Variants in WBP2 observed in about 807,000 individuals in gnomAD.
The protein encoded by WBP2 is WW domain binding protein 2.
A neutral mutation model predicts 33.0 loss-of-function variants in WBP2; 23 were observed. The observed-to-expected ratio is 0.70, with a 90% CI of 0.50 to 0.99. WBP2 has a LOEUF of 0.99. WBP2 is among the 50% of genes least tolerant of loss of function. The pLI is 0.00. For synonymous variants in WBP2, 153 were observed against 133.5 expected (o/e 1.15, Z -1.01); for missense variants, 353 against 358.0 (o/e 0.99, Z 0.11).
chr17:75,856,027 C>G (rs1414804692), upstream of WBP2, among the ~76,000 whole-genome samples: 5 of 152,216 alleles, frequency 3.3e-5, no homozygotes, highest in Non-Finnish European at 7.3e-5. Flanking sequence ...GCCGGCCGGG[C>G]GCCCCTCGCA....
intron 1 of WBP2, 55 bp downstream of exon 1, chr17:75,855,184 C>T: frequency 6.6e-7 from 1 of 1,514,168 alleles, no homozygotes; most frequent in Non-Finnish European, 9.1e-7. Context: ...ACCCACCGCC[C>T]ACTTCCTCGA....
chr17:75,853,407 GACAGCAGGCTGAAGCACTTTCTAAA>G (rs1567828210), intron 1 of WBP2, among the ~76,000 whole-genome samples: 2 of 152,308 alleles, frequency 1.3e-5, no homozygotes, highest in African/African-American at 2.4e-5. Context: ...AACTTTTTCA[GACAGCAGGCTGAAGCACTTTCTAAA>G]ACAGCAGGCT....
chr17:75,849,532 C>G, intron 3 of WBP2, 72 bp downstream of exon 3: 2 of 1,578,710 alleles, frequency 1.3e-6, no homozygotes, highest in Non-Finnish European at 1.7e-6. Context: ...GACGCCCCCA[C>G]GGCGGCAGTC....
At chr17:75,847,092 G>A in intron 6 of WBP2, 108 bp from the exon 7 acceptor site, 1 of 1,243,048 alleles carries the variant, frequency 8.0e-7, no homozygotes. Flanking sequence ...TGGGGGTCCA[G>A]TTCCACCAAT....
At position 75,855,268 on chromosome 17, in the gene WBP2, G is replaced by A. The variant is rs773500854; in HGVS notation, c.30C>T (p.Gly10=). The A allele has an allele frequency of 1.3e-6, 2 of 1,598,910 alleles. No individual in the cohort carries two copies. The highest frequency in any genetic ancestry group is 1.7e-5 in the Admixed American group (1 of 58,988). ...CGGTGTTATTGACGATCACTCCGCC[G>A]CCCTCCGAGTGATTCTTGTTGAGCG... MALNKNHSE[G]GGVIVNNTES... Residue 10 remains glycine (G), a synonymous_variant, in exon 1 of 8, where the codon GGC becomes GGT. Coordinates refer to ENST00000254806, the MANE Select transcript of WBP2 (RefSeq NM_012478.4).
chr17:75,849,939 G>A (rs1006609083), intron 2 of WBP2, among the ~76,000 whole-genome samples, 200 bp from the exon 3 acceptor site: 45 of 152,236 alleles, frequency 3.0e-4, no homozygotes, highest in Admixed American at 2.6e-3. Context: ...CCAAGCTCAC[G>A]CACACGGGAG....
At chr17:75,848,837 G>C (rs1262050184) in intron 3 of WBP2, 175 bp from the exon 4 acceptor site, 1 of 633,278 alleles carries the variant, frequency 1.6e-6, no homozygotes, top group East Asian at 2.7e-5. Context: ...GCCTGCATAG[G>C]AGCCAGCACT....
At chr17:75,848,931 C>G in intron 3 of WBP2, 1 of 521,542 alleles carries the variant, frequency 1.9e-6, no homozygotes, top group Non-Finnish European at 3.5e-6. Flanking sequence ...TCCTCCCACC[C>G]TTGGCCCAAT....
At chr17:75,852,977 G>A (rs932174733) in intron 1 of WBP2, among the ~76,000 whole-genome samples, 3 of 152,168 alleles carry the variant, frequency 2.0e-5, no homozygotes, top group Non-Finnish European at 4.4e-5. Flanking sequence ...TCTGGGAGGA[G>A]AGTCCACAGC....
intron 1 of WBP2, among the ~76,000 whole-genome samples, chr17:75,853,629 AGT>A (rs2065040335): frequency 6.6e-6 from 1 of 152,158 alleles, no homozygotes; most frequent in Non-Finnish European, 1.5e-5. Flanking sequence ...GCAACAAAAC[AGT>A]GTGAGGTGTC....
Position 75,847,590 on chromosome 17 carries a change from G to C in WBP2, c.552C>G (p.Pro184=). The C allele has an allele frequency of 1.9e-6, 3 of 1,612,300 alleles. No individual in the cohort carries two copies. Among genetic ancestry groups the C allele is most frequent in the Non-Finnish European group, 2.5e-6 (3 of 1,179,208 alleles). ...CGTATCCCATGGCCCCGTCCATCAT[G>C]GGGGGTCCTGGATAGAACTCTGCTC... ...PPPPEFYPGP[P]MMDGAMGYVQ... is the part of the protein sequence containing the mutation. The change falls in exon 6 of 8, where the codon CCC becomes CCG. Residue 184 remains proline (P), a synonymous_variant. Coordinates refer to ENST00000254806, the MANE Select transcript of WBP2 (RefSeq NM_012478.4).
chr17:75,848,039 C>A (rs2065005957), intron 4 of WBP2, 109 bp from the exon 5 acceptor site: 2 of 1,402,686 alleles, frequency 1.4e-6, no homozygotes, highest in African/African-American at 1.4e-5. Context: ...ATGTGCCCCG[C>A]AGACATCCTC....
Position 75,846,818 on chromosome 17 carries a change from TAGA to T in WBP2, c.733-34_733-32del, listed in dbSNP as rs755672730. ...GAAGGGAGAAAGGAGAGACTTGCAT[TAGA>T]AGGTTTAAAACATGGTGCGGTCATC... is the stretch of plus-strand genomic sequence containing the variant. On this transcript the variant is annotated intron_variant, in intron 7 of 7. Transcript: ENST00000254806. This position sits in a 1 kb window ranked among gnomAD's most constrained non-coding sequence, Gnocchi z 4.8. 8 of 1,595,950 alleles carry T rather than the reference TAGA, an allele frequency of 5.0e-6. No individual in the cohort carries two copies. Among genetic ancestry groups the T allele is most frequent in the Non-Finnish European group, 6.8e-6 (8 of 1,169,978 alleles).
chr17:75,852,710 C>T lies in WBP2; in HGVS notation c.60-1034G>A, dbSNP rs531666300. 1.1e-5 allele frequency: 9 copies of T among 782,870 alleles called. No homozygotes were observed. In the African/African-American group the frequency reaches 1.5e-4, roughly 13 times the overall value. The allele number at this position is 782,870 out of a possible 1,614,324, so 48.5% of individuals were successfully genotyped here. A position where few individuals can be genotyped will look rare whatever the true frequency, so the allele number is the denominator to read the frequency against. On this transcript the variant is annotated intron_variant, in intron 1 of 7. Coordinates refer to ENST00000254806, the MANE Select transcript of WBP2 (RefSeq NM_012478.4). ...GACTTCGTGATCCACCTGCCTCGGC[C>T]TCCCAAAGTGCAGGGATTACAGGCG... is the stretch of plus-strand genomic sequence containing the variant.
intron 4 of WBP2, chr17:75,848,279 T>C (rs952534636): frequency 2.4e-5 from 14 of 582,592 alleles, no homozygotes; most frequent in Non-Finnish European, 3.7e-5. Flanking sequence ...CGCAGTCGAA[T>C]GGTTGGTTTA....
chr17:75,848,555 T>C lies in WBP2; in HGVS notation c.397+15A>G, dbSNP rs1429192986. 14 of 1,612,336 alleles carry C rather than the reference T, an allele frequency of 8.7e-6. No homozygotes were observed. The South Asian group carries it at 1.4e-4, about 16-fold the overall frequency. On this transcript the variant is annotated intron_variant, in intron 4 of 7. Transcript: ENST00000254806. ...TTAGTGTGTCTTTAGCCCCTAATCT[T>C]CGGAGCCTGGATACCTTGAGATGCC...
In WBP2 at chr17:75,846,240, C is replaced by A; in HGVS notation, c.*494G>T. 6.1e-6 allele frequency: 1 copy of A among 163,580 alleles called. No individual in the cohort carries two copies. The highest frequency in any genetic ancestry group is 6.0e-5 in the Admixed American group (1 of 16,576). The allele number at this position is 163,580 out of a possible 1,614,324, so 10.1% of individuals were successfully genotyped here. On this transcript the variant is annotated 3_prime_UTR_variant, in exon 8 of 8. Transcript: ENST00000254806. The surrounding 1 kb of genome is among the most constrained non-coding windows in gnomAD (Gnocchi z 4.8). ...AGGGTGGCGGGGGCTGCAGCTGGACCCTGGCTGAGTGGAATGCGGGCGCGG... is the reference window on the plus strand; with the variant it reads ...AGGGTGGCGGGGGCTGCAGCTGGACACTGGCTGAGTGGAATGCGGGCGCGG...
Position 75,849,673 on chromosome 17 carries a change from C to T in WBP2, c.235G>A (p.Asp79Asn). 1 of 1,614,218 alleles carries T rather than the reference C, an allele frequency of 6.2e-7. No individual in the cohort carries two copies. Among genetic ancestry groups the T allele is most frequent in the Non-Finnish European group, 8.5e-7 (1 of 1,180,036 alleles). The change falls in exon 3 of 8, where the codon GAC (aspartate) becomes AAC (asparagine). Residue 79 changes from aspartate (D) to asparagine (N), a missense_variant. Transcript: ENST00000254806. Reference protein sequence around the residue: ...SFMMPFYLMKDCEIKQPVFGA... With the variant: ...SFMMPFYLMKNCEIKQPVFGA... ...AATACGGGCTGCTTGATCTCACAGT[C>T]TTTCATGAGATAAAATGGCATCATG... is the stretch of plus-strand genomic sequence containing the variant.
At chr17:75,854,792 T>A (rs1159645222) in intron 1 of WBP2, among the ~76,000 whole-genome samples, 1 of 152,138 alleles carries the variant, frequency 6.6e-6, no homozygotes, top group Non-Finnish European at 1.5e-5. Flanking sequence ...CTTTCTGCCC[T>A]CCACTTTCCC....
Sources: allele counts gnomAD v4.1 joint callset (sites outside exome capture counted in the v4.1 genomes callset), GRCh38; gene constraint gnomAD v4.1.1; non-coding constraint Gnocchi (gnomAD v3.1); transcripts MANE v1.5; gene names NCBI Gene and HGNC (gene_info 2026-07-23, HGNC 2026-07-21).